METTL9: variants seen among roughly 807,000 people sequenced by gnomAD.
METTL9 encodes methyltransferase 9, His-X-His N1(pi)-histidine, also known as protein-L-histidine N-pros-methyltransferase.
METTL9 carries 10 observed loss-of-function variants against 36.0 expected under a neutral mutation model. The observed-to-expected ratio is 0.28, with a 90% CI of 0.17 to 0.47. METTL9 has a LOEUF of 0.47. METTL9 is among the 20% of genes least tolerant of loss of function. METTL9 has a pLI of 0.99. For missense variants in METTL9, 246 were observed against 383.5 expected (o/e 0.64, Z 3.00); for synonymous variants, 175 against 149.7 (o/e 1.17, Z -1.23).
chr16:21,645,288 A>T (rs1966393009), intron 4 of METTL9, among the ~76,000 whole-genome samples: 1 of 152,144 alleles, frequency 6.6e-6, no homozygotes, highest in Admixed American at 6.5e-5. Flanking sequence ...CCCCATCTCT[A>T]CTAAAAATAC....
intron 4 of METTL9, among the ~76,000 whole-genome samples, chr16:21,649,675 T>C (rs986188539): frequency 6.6e-6 from 1 of 152,178 alleles, no homozygotes; most frequent in South Asian, 2.1e-4. Context: ...ATTTGTAAAA[T>C]TATTTTTAAA....
upstream of METTL9, chr16:21,599,352 A>C (rs1004086349): frequency 1.0e-6 from 1 of 988,848 alleles, no homozygotes; most frequent in Non-Finnish European, 1.2e-6. The surrounding 1 kb of genome is among the most constrained non-coding windows in gnomAD (Gnocchi z 4.4). Context: ...TCCGCCATTT[A>C]CTAGAGGCCA....
chr16:21,613,269 C>A (rs1004203296), intron 2 of METTL9, among the ~76,000 whole-genome samples: 1 of 147,514 alleles, frequency 6.8e-6, no homozygotes, highest in African/African-American at 2.5e-5. Flanking sequence ...CTGCAGCCTC[C>A]GCCTCCCGGG....
Position 21,655,801 on chromosome 16 carries a change from G to A in METTL9, c.*369G>A. ...TCAATGGATTGTTTTTTGAAGACTG[G>A]CAATAAAGCTGTCCATTCAATTCCA... is the stretch of plus-strand genomic sequence containing the variant. On this transcript the variant is annotated 3_prime_UTR_variant, in exon 5 of 5. Transcript: ENST00000358154. 5.5e-6 allele frequency: 1 copy of A among 180,340 alleles called. No homozygotes were observed. 11.2% of individuals were successfully genotyped at this position (180,340 alleles called of 1,614,324 possible). A position where few individuals can be genotyped will look rare whatever the true frequency, so the allele number is the denominator to read the frequency against.
At chr16:21,627,955 AAAAC>A (rs1223774624) in intron 4 of METTL9, among the ~76,000 whole-genome samples, 4 of 152,182 alleles carry the variant, frequency 2.6e-5, no homozygotes, top group African/African-American at 7.2e-5. Flanking sequence ...TCCATCTCAA[AAAAC>A]AAACAAAACA....
chr16:21,630,998 T>C (rs1965946262), intron 4 of METTL9, among the ~76,000 whole-genome samples: 1 of 152,168 alleles, frequency 6.6e-6, no homozygotes, highest in African/African-American at 2.4e-5. Flanking sequence ...TGCAGAGTCC[T>C]CCCTTCTCAG....
chr16:21,646,167 T>C (rs2141617317), intron 4 of METTL9, among the ~76,000 whole-genome samples: 1 of 151,670 alleles, frequency 6.6e-6, no homozygotes, highest in African/African-American at 2.4e-5. Context: ...CCTTTTTTTT[T>C]CTCGGGAATG....
Position 21,607,080 on chromosome 16 carries a change from A to AT in METTL9, c.166-5549dup, listed in dbSNP as rs781076160. Among the ~76,000 whole-genome samples the AT allele has an allele frequency of 9.4e-3, 1,360 of 144,738 alleles. 4 individuals are homozygous for AT. The highest frequency in any genetic ancestry group is 0.014 in the Non-Finnish European group (919 of 65,444). 95.0% of individuals were successfully genotyped at this position (144,738 alleles called of 152,430 possible). A position where few individuals can be genotyped will look rare whatever the true frequency, so the allele number is the denominator to read the frequency against. Reference sequence around the variant, plus strand: ...GAGGAGTTCATGGGCTTAATGAGAAATTTTTTTTTTTTTTTTGACAGTCTT... The same window carrying AT: ...GAGGAGTTCATGGGCTTAATGAGAAATTTTTTTTTTTTTTTTTGACAGTCTT... On this transcript the variant is annotated intron_variant, in intron 1 of 4. Coordinates refer to ENST00000358154, the MANE Select transcript of METTL9 (RefSeq NM_016025.5).
In METTL9 at chr16:21,655,278, A is replaced by G. The variant is rs548743867; in HGVS notation, c.803A>G (p.Asn268Ser). ...GAAATTTTGGAAATCAAAGGACAGAACTGGGAAGAACAAGTGAATAGTCTG... is the reference window on the plus strand; with the variant it reads ...GAAATTTTGGAAATCAAAGGACAGAGCTGGGAAGAACAAGTGAATAGTCTG... ...PSEILEIKGQ[N>S]WEEQVNSLPE... The change falls in exon 5 of 5, where the codon AAC (asparagine) becomes AGC (serine). Residue 268 changes from asparagine to serine, a missense_variant. This residue lies in a region of METTL9 where 146 missense variants were observed against 302.1 expected (regional missense o/e 0.48). Coordinates refer to ENST00000358154, the MANE Select transcript of METTL9 (RefSeq NM_016025.5). 3.1e-6 allele frequency: 5 copies of G among 1,614,248 alleles called. No individual in the cohort carries two copies. The highest frequency in any genetic ancestry group is 4.2e-6 in the Non-Finnish European group (5 of 1,180,034).
At chr16:21,611,002 A>G (rs1258669612) in intron 1 of METTL9, among the ~76,000 whole-genome samples, 1 of 152,200 alleles carries the variant, frequency 6.6e-6, no homozygotes, top group Non-Finnish European at 1.5e-5. Flanking sequence ...CACAATAAGT[A>G]TTAAGAATTA....
chr16:21,645,516 A>G (rs1438099071), intron 4 of METTL9, among the ~76,000 whole-genome samples: 1 of 152,212 alleles, frequency 6.6e-6, no homozygotes, highest in Non-Finnish European at 1.5e-5. Context: ...TTTATGCAGC[A>G]TACATTTTTA....
chr16:21,622,708 A>G (rs1306646431), intron 3 of METTL9, among the ~76,000 whole-genome samples: 1 of 152,198 alleles, frequency 6.6e-6, no homozygotes, highest in South Asian at 2.1e-4. Context: ...TTCTATAGGT[A>G]TAGATTTAAC....
intron 4 of METTL9, chr16:21,627,283 C>T (rs1965837314): frequency 3.0e-6 from 3 of 984,934 alleles, no homozygotes; most frequent in Non-Finnish European, 3.6e-6. Context: ...GCTTTGCATA[C>T]TTGGCTTAAT....
intron 4 of METTL9, among the ~76,000 whole-genome samples, chr16:21,636,559 GCGA>G (rs1250188980): frequency 6.6e-6 from 1 of 152,182 alleles, no homozygotes; most frequent in Non-Finnish European, 1.5e-5. Flanking sequence ...TCTCGCTTGG[GCGA>G]CATTGAGAGT....
At chr16:21,636,184 A>G (rs928473656) in intron 4 of METTL9, among the ~76,000 whole-genome samples, 2 of 152,170 alleles carry the variant, frequency 1.3e-5, no homozygotes, top group Non-Finnish European at 2.9e-5. Flanking sequence ...TTTTGTCCTC[A>G]CTTATATGAA....
chr16:21,635,001 C>G (rs945060112), intron 4 of METTL9, among the ~76,000 whole-genome samples: 1 of 152,138 alleles, frequency 6.6e-6, no homozygotes, highest in African/African-American at 2.4e-5. Context: ...GAATTTATCC[C>G]TTTCTTCGGC....
chr16:21,638,241 C>T (rs1966156717), intron 4 of METTL9, among the ~76,000 whole-genome samples: 1 of 152,136 alleles, frequency 6.6e-6, no homozygotes, highest in African/African-American at 2.4e-5. Context: ...TCACTTGAAC[C>T]CTGGAGGCAG....
chr16:21,618,114 G>A, intron 3 of METTL9, 40 bp downstream of exon 3: 1 of 1,369,594 alleles, frequency 7.3e-7, no homozygotes, highest in South Asian at 1.4e-5. Flanking sequence ...CTTCTTGAAA[G>A]TATATTATTT....
intron 2 of METTL9, among the ~76,000 whole-genome samples, chr16:21,617,406 G>GC (rs1567330583): frequency 7.4e-6 from 1 of 134,352 alleles, no homozygotes; most frequent in African/African-American, 2.9e-5. Flanking sequence ...CGACGGCAGA[G>GC]CGAGACTCTG....
Sources: allele counts gnomAD v4.1 joint callset (sites outside exome capture counted in the v4.1 genomes callset), GRCh38; gene constraint gnomAD v4.1.1; regional missense constraint gnomAD v4.1.1; non-coding constraint Gnocchi (gnomAD v3.1); transcripts MANE v1.5; gene names NCBI Gene and HGNC (gene_info 2026-07-23, HGNC 2026-07-21).